The following OMA1 variants were observed in gnomAD, a reference collection of about 807,000 sequenced individuals.
OMA1 encodes the protein metalloendopeptidase OMA1, mitochondrial.
Under a neutral mutation model 30.9 loss-of-function variants are expected in OMA1, and 38 were observed. The ratio of observed to expected loss-of-function variants is 1.23; its 90% CI spans 0.95 to 1.61. OMA1 has a LOEUF of 1.61. Ranked by LOEUF, OMA1 falls within the 40% of genes most tolerant of loss-of-function variation. The pLI is 0.00. For missense variants in OMA1, 461 were observed against 349.2 expected (o/e 1.32, Z -2.55); for synonymous variants, 173 against 121.9 (o/e 1.42, Z -2.76).
intron 7 of OMA1, among the ~76,000 whole-genome samples, chr1:58,507,631 CAT>C (rs753916067): frequency 4.6e-5 from 7 of 151,784 alleles, no homozygotes; most frequent in South Asian, 2.1e-4. Flanking sequence ...ATATAACAAA[CAT>C]AAATATTATT....
At chr1:58,488,860 T>A (rs1223170445) in intron 8 of OMA1, among the ~76,000 whole-genome samples, 2 of 152,250 alleles carry the variant, frequency 1.3e-5, no homozygotes, top group African/African-American at 4.8e-5. Context: ...CTCCCACTTA[T>A]CAGTGAGAAC....
At chr1:58,483,948 T>C (rs1472502524) in intron 8 of OMA1, among the ~76,000 whole-genome samples, 1 of 152,188 alleles carries the variant, frequency 6.6e-6, no homozygotes, top group Non-Finnish European at 1.5e-5. Context: ...GGGGAGAGTA[T>C]GGAGTCCAGC....
intron 8 of OMA1, among the ~76,000 whole-genome samples, chr1:58,481,513 TA>T (rs1483338241): frequency 4.6e-5 from 7 of 152,114 alleles, no homozygotes; most frequent in Non-Finnish European, 8.8e-5. Flanking sequence ...CATTCAGATT[TA>T]AAAAGGCTCT....
At chr1:58,506,675 T>C (rs546932366) in intron 7 of OMA1, among the ~76,000 whole-genome samples, 3 of 152,306 alleles carry the variant, frequency 2.0e-5, no homozygotes, top group African/African-American at 4.8e-5. Context: ...TTAAAAATTC[T>C]GTTTTCATAA....
At chr1:58,489,713 T>G (rs1401254769) in intron 8 of OMA1, among the ~76,000 whole-genome samples, 2 of 152,086 alleles carry the variant, frequency 1.3e-5, no homozygotes, top group Non-Finnish European at 2.9e-5. Context: ...GACTGACACC[T>G]CACAGGGCCG....
intron 7 of OMA1, among the ~76,000 whole-genome samples, chr1:58,511,673 A>G (rs1266419756): frequency 2.0e-5 from 3 of 152,090 alleles, no homozygotes; most frequent in African/African-American, 7.2e-5. Flanking sequence ...ATGAGGAAAG[A>G]GCAGTCTCTT....
At chr1:58,536,415 CTAAAAT>C in intron 3 of OMA1, 92 bp downstream of exon 3, 1 of 657,288 alleles carries the variant, frequency 1.5e-6, no homozygotes, top group Non-Finnish European at 2.7e-6. Context: ...ATATCAAAGA[CTAAAAT>C]TAAAAAACAA....
rs1645477113 is a variant in OMA1 at position 58,481,228 on chromosome 1, A to G, written c.1366-54T>C. On this transcript the variant is annotated intron_variant, in intron 8 of 8. Coordinates refer to ENST00000371226, the MANE Select transcript of OMA1 (RefSeq NM_145243.5). ...ACTATATATATACATCAATGTATTC[A>G]GATTGTTTCAGTAATCCCTAATATG... The G allele has an allele frequency of 6.9e-6, 4 of 583,400 alleles. No individual in the cohort carries two copies. In the South Asian group the frequency reaches 1.2e-4, roughly 17 times the overall value. The allele number at this position is 583,400 out of a possible 1,614,324, so 36.1% of individuals were successfully genotyped here.
At chr1:58,492,785 AC>A (rs1185722057) in intron 8 of OMA1, among the ~76,000 whole-genome samples, 2 of 152,192 alleles carry the variant, frequency 1.3e-5, no homozygotes, top group African/African-American at 4.8e-5. Context: ...TAGCTTACCA[AC>A]CAAAAAAAGT....
intron 7 of OMA1, among the ~76,000 whole-genome samples, chr1:58,507,574 A>G (rs975611503): frequency 1.3e-4 from 20 of 152,072 alleles, no homozygotes; most frequent in Admixed American, 1.3e-3. Context: ...ACAGATATGG[A>G]TATACATGTT....
intron 7 of OMA1, 89 bp from the exon 8 acceptor site, chr1:58,506,298 T>C (rs560587141): frequency 5.3e-5 from 36 of 674,362 alleles, no homozygotes; most frequent in Admixed American, 2.5e-4. Context: ...AATTCTATTA[T>C]AATTATACTT....
chr1:58,520,053 C>T (rs1440286500), intron 7 of OMA1, among the ~76,000 whole-genome samples: 2 of 152,022 alleles, frequency 1.3e-5, no homozygotes, highest in African/African-American at 2.4e-5. Context: ...ATTGACTACA[C>T]ATGGACACAA....
At chr1:58,527,061 T>C (rs948152999) in intron 7 of OMA1, among the ~76,000 whole-genome samples, 200 bp downstream of exon 7, 16 of 152,140 alleles carry the variant, frequency 1.1e-4, no homozygotes, top group Middle Eastern at 3.2e-3. Context: ...GCTTCAAATA[T>C]AGAAGGGAAT....
chr1:58,536,808 C>T, intron 2 of OMA1, 67 bp from the exon 3 acceptor site: 1 of 783,740 alleles, frequency 1.3e-6, no homozygotes. Flanking sequence ...AGCTCAAATG[C>T]ATACACTAGA....
chr1:58,499,477 T>TATAGATAGATAAATAG (rs1645863694), intron 8 of OMA1, among the ~76,000 whole-genome samples: 1 of 143,662 alleles, frequency 7.0e-6, no homozygotes, highest in African/African-American at 2.6e-5. Flanking sequence ...AAAGCCAGAC[T>TATAGATAGATAAATAG]ATAGATAGAT....
intron 7 of OMA1, among the ~76,000 whole-genome samples, chr1:58,521,801 T>C (rs1646268803): frequency 6.6e-6 from 1 of 152,160 alleles, no homozygotes; most frequent in South Asian, 2.1e-4. Flanking sequence ...TTCAGGCCCA[T>C]ATGGCTTTAC....
chr1:58,496,360 T>C (rs1322591953), intron 8 of OMA1, among the ~76,000 whole-genome samples: 5 of 152,196 alleles, frequency 3.3e-5, no homozygotes, highest in African/African-American at 4.8e-5. Flanking sequence ...TGTAAAGTCG[T>C]TCTTTCAGAT....
intron 6 of OMA1, 39 bp downstream of exon 6, chr1:58,530,562 A>G: frequency 1.2e-6 from 1 of 838,454 alleles, no homozygotes; most frequent in African/African-American, 1.7e-5. Context: ...TATCTTCACC[A>G]GAGGCTATGA....
At chr1:58,493,366 A>C (rs1645734647) in intron 8 of OMA1, among the ~76,000 whole-genome samples, 1 of 152,198 alleles carries the variant, frequency 6.6e-6, no homozygotes, top group African/African-American at 2.4e-5. Flanking sequence ...CAAGACAGGG[A>C]TGCCCTCTCT....
Sources: allele counts gnomAD v4.1 joint callset (sites outside exome capture counted in the v4.1 genomes callset), GRCh38; gene constraint gnomAD v4.1.1; transcripts MANE v1.5; gene names NCBI Gene and HGNC (gene_info 2026-07-23, HGNC 2026-07-21).